The following ETV6 variants were observed in gnomAD, a reference collection of about 807,000 sequenced individuals.
ETV6 encodes the protein ETS variant transcription factor 6, also known as transcription factor ETV6.
Under a neutral mutation model 51.1 loss-of-function variants are expected in ETV6, and 16 were observed. The observed-to-expected ratio is 0.31, with a 90% CI of 0.21 to 0.48. The LOEUF (loss-of-function observed/expected upper bound fraction) is 0.48, where lower values mean the gene tolerates loss of function less well. Among genes scored for constraint, ETV6 ranks in the 20% least tolerant of loss-of-function variants. The pLI, the probability that ETV6 is intolerant of heterozygous loss-of-function variation, is 0.99. For synonymous variants in ETV6, 240 were observed against 224.1 expected, an observed-to-expected ratio of 1.07 and a Z score of -0.64; for missense variants, 458 against 594.8, an observed-to-expected ratio of 0.77 and a Z score of 2.39.
chr12:11,891,710 T>C lies in ETV6; in HGVS notation c.*664T>C. 2.2e-6 allele frequency: 1 copy of C among 450,340 alleles called. No homozygotes were observed. The highest frequency in any genetic ancestry group is 4.2e-6 in the Non-Finnish European group (1 of 235,352). 27.9% of individuals were successfully genotyped at this position (450,340 alleles called of 1,614,324 possible). ...CTCTGTCCTCCCGCCCTGCCTGCAG[T>C]TGAGATTCAGATGCCTTCTGACAGA... On this transcript the variant is annotated 3_prime_UTR_variant, in exon 8 of 8. Transcript: ENST00000396373.
intron 3 of ETV6, among the ~76,000 whole-genome samples, chr12:11,848,062 A>G (rs1207974446): frequency 6.6e-6 from 1 of 152,102 alleles, no homozygotes; most frequent in Non-Finnish European, 1.5e-5. Context: ...GTACTGAAAC[A>G]AAGAACATTT....
intron 1 of ETV6, among the ~76,000 whole-genome samples, chr12:11,678,524 T>C (rs1307182818): frequency 5.3e-5 from 8 of 152,246 alleles, no homozygotes; most frequent in Non-Finnish European, 7.3e-5. Context: ...TCTCCTTTTC[T>C]TGGAATCTCC....
chr12:11,878,954 G>A (rs1183856420), intron 5 of ETV6, among the ~76,000 whole-genome samples: 1 of 151,546 alleles, frequency 6.6e-6, no homozygotes, highest in African/African-American at 2.4e-5. Flanking sequence ...TTACTATATT[G>A]TAAGAGATTC....
intron 2 of ETV6, among the ~76,000 whole-genome samples, chr12:11,801,596 G>A (rs1377913754): frequency 6.6e-6 from 1 of 152,158 alleles, no homozygotes; most frequent in Non-Finnish European, 1.5e-5. Context: ...TTATGGTTAA[G>A]CTAGTGGTAT....
At chr12:11,753,647 CAG>C in intron 2 of ETV6, among the ~76,000 whole-genome samples, 1 of 152,202 alleles carries the variant, frequency 6.6e-6, no homozygotes, top group East Asian at 1.9e-4. Context: ...GAACAGGAGA[CAG>C]AGGATGCAGG....
intron 1 of ETV6, among the ~76,000 whole-genome samples, chr12:11,685,978 T>C (rs2120766678): frequency 6.6e-6 from 1 of 152,332 alleles, no homozygotes; most frequent in East Asian, 1.9e-4. Context: ...ATATTTTCTT[T>C]TTACAAGAAA....
At chr12:11,890,259 C>T (rs1246598308) in intron 7 of ETV6, among the ~76,000 whole-genome samples, 1 of 151,104 alleles carries the variant, frequency 6.6e-6, no homozygotes, top group East Asian at 2.0e-4. Context: ...TTCCTGGGCT[C>T]ACAGTCTGGA....
chr12:11,775,587 G>A (rs1020591502), intron 2 of ETV6, among the ~76,000 whole-genome samples: 2 of 152,160 alleles, frequency 1.3e-5, no homozygotes, highest in African/African-American at 2.4e-5. Flanking sequence ...TTGTTAATCC[G>A]TGGAATTTAC....
chr12:11,707,674 C>T (rs760561966), intron 1 of ETV6, among the ~76,000 whole-genome samples: 20 of 152,302 alleles, frequency 1.3e-4, no homozygotes, highest in Middle Eastern at 3.4e-3. Context: ...GGATTCTAAT[C>T]GGGACCTTTC....
At chr12:11,709,116 C>G (rs1865126818) in intron 1 of ETV6, among the ~76,000 whole-genome samples, 1 of 151,982 alleles carries the variant, frequency 6.6e-6, no homozygotes, top group Non-Finnish European at 1.5e-5. Context: ...TGATATATAA[C>G]CAAGAAGCTA....
At chr12:11,756,465 A>C (rs1416205670) in intron 2 of ETV6, among the ~76,000 whole-genome samples, 1 of 152,176 alleles carries the variant, frequency 6.6e-6, no homozygotes, top group Non-Finnish European at 1.5e-5. Flanking sequence ...GTACAATTAC[A>C]GTAGACAGGT....
intron 1 of ETV6, among the ~76,000 whole-genome samples, chr12:11,692,004 C>T (rs182945032): frequency 1.2e-4 from 18 of 152,286 alleles, no homozygotes; most frequent in African/African-American, 4.1e-4. Context: ...GGAGACAAGA[C>T]ACTTCTATGG....
intron 2 of ETV6, among the ~76,000 whole-genome samples, chr12:11,793,164 A>T (rs1945629643): frequency 6.6e-6 from 1 of 152,226 alleles, no homozygotes; most frequent in South Asian, 2.1e-4. Context: ...TGGTACAGTA[A>T]TAATAGCTAA....
At chr12:11,875,623 T>C (rs1264829034) in intron 5 of ETV6, among the ~76,000 whole-genome samples, 1 of 151,022 alleles carries the variant, frequency 6.6e-6, no homozygotes, top group Non-Finnish European at 1.5e-5. Context: ...TGGACTTGAT[T>C]TCAAAGGTAG....
intron 2 of ETV6, among the ~76,000 whole-genome samples, chr12:11,821,365 C>CA (rs1946078421): frequency 6.6e-6 from 1 of 151,580 alleles, no homozygotes; most frequent in Admixed American, 6.6e-5. Context: ...GACTCAGTCT[C>CA]AAAAAAATAA....
intron 2 of ETV6, among the ~76,000 whole-genome samples, chr12:11,805,326 C>T (rs1945813209): frequency 6.6e-6 from 1 of 152,230 alleles, no homozygotes; most frequent in Admixed American, 6.5e-5. Flanking sequence ...AAATTTTGTG[C>T]ACCTCCCTCA....
At chr12:11,796,603 A>G (rs115122458) in intron 2 of ETV6, among the ~76,000 whole-genome samples, 1,886 of 152,300 alleles carry the variant, frequency 0.012, 38 homozygotes, top group African/African-American at 0.043. Context: ...TTACTCTTAT[A>G]CATCATCTAC....
chr12:11,733,431 A>AAG (rs1865641497), intron 1 of ETV6, among the ~76,000 whole-genome samples: 1 of 146,586 alleles, frequency 6.8e-6, no homozygotes, highest in Non-Finnish European at 1.5e-5. Flanking sequence ...AAAAAAAAAA[A>AAG]ATTAACCACT....
chr12:11,656,928 AG>A (rs1213911557), intron 1 of ETV6, among the ~76,000 whole-genome samples: 1 of 152,038 alleles, frequency 6.6e-6, no homozygotes, highest in Non-Finnish European at 1.5e-5. Flanking sequence ...TGTGATTTCC[AG>A]GAATCTATTT....
Sources: gnomAD v4.1 joint callset for allele counts (sites outside exome capture counted in the v4.1 genomes callset) on GRCh38, gnomAD v4.1.1 for gene constraint, MANE v1.5 for transcripts, NCBI Gene and HGNC (gene_info 2026-07-23, HGNC 2026-07-21) for gene names.